TPRG1: variants seen among roughly 807,000 people sequenced by gnomAD.
TPRG1 encodes the protein tumor protein p63 regulated 1, also known as tumor protein p63-regulated gene 1 protein.
Under a neutral mutation model 29.3 loss-of-function variants are expected in TPRG1, and 29 were observed. The observed-to-expected ratio is 0.99, with a 90% CI of 0.74 to 1.35. The LOEUF (loss-of-function observed/expected upper bound fraction) is 1.35. TPRG1 is among the 40% of genes most tolerant of loss of function. The probability of loss-of-function intolerance (pLI) is 0.00; values close to 1 mark genes in which losing one functional copy is unlikely to be tolerated. For missense variants in TPRG1, 327 were observed against 335.0 expected, an observed-to-expected ratio of 0.98 and a Z score of 0.19; for synonymous variants, 130 against 116.8, an observed-to-expected ratio of 1.11 and a Z score of -0.73.
chr3:189,217,222 G>A (rs1736205684), intron 3 of TPRG1, among the ~76,000 whole-genome samples: 1 of 152,172 alleles, frequency 6.6e-6, no homozygotes, highest in South Asian at 2.1e-4. Flanking sequence ...CAACTACAAT[G>A]ATTGGTAACA....
At chr3:189,007,208 CA>C (rs1235352658) in intron 3 of TPRG1, among the ~76,000 whole-genome samples, 1 of 151,726 alleles carries the variant, frequency 6.6e-6, no homozygotes, top group Non-Finnish European at 1.5e-5. Context: ...AAGAAAAAAA[CA>C]AACAACCCCA....
chr3:189,065,541 C>T (rs1348206041), intron 4 of TPRG1, among the ~76,000 whole-genome samples: 1 of 151,320 alleles, frequency 6.6e-6, no homozygotes, highest in Non-Finnish European at 1.5e-5. Context: ...TGTAATATAC[C>T]ATGTCCAAAA....
intron 1 of TPRG1, among the ~76,000 whole-genome samples, chr3:189,116,933 A>G (rs1266289242): frequency 5.3e-5 from 8 of 152,334 alleles, no homozygotes; most frequent in Admixed American, 6.5e-5. Context: ...ATTTTATGTT[A>G]TGTATATTTT....
chr3:189,113,716 A>G (rs867457851), intron 1 of TPRG1, among the ~76,000 whole-genome samples: 2 of 151,826 alleles, frequency 1.3e-5, no homozygotes, highest in South Asian at 2.1e-4. Context: ...GGAATTGAAC[A>G]ATGAGAACAC....
At chr3:189,298,275 A>C (rs766407486) in intron 4 of TPRG1, among the ~76,000 whole-genome samples, 13 of 152,186 alleles carry the variant, frequency 8.5e-5, no homozygotes, top group Non-Finnish European at 1.6e-4. Context: ...GGGAGCCAAA[A>C]AAGCTAGCAG....
chr3:189,200,051 A>T (rs1175271130), intron 1 of TPRG1, among the ~76,000 whole-genome samples: 1 of 152,176 alleles, frequency 6.6e-6, no homozygotes, highest in Non-Finnish European at 1.5e-5. Flanking sequence ...ACGGCAAAAG[A>T]GTGAGCACCC....
At chr3:189,013,339 T>A (rs1712705200) in intron 3 of TPRG1, among the ~76,000 whole-genome samples, 4 of 152,208 alleles carry the variant, frequency 2.6e-5, no homozygotes, top group Admixed American at 2.6e-4. Context: ...TTAAGTAAAT[T>A]TCTTAATCTT....
At chr3:188,997,485 A>G (rs965140741) in intron 1 of TPRG1, among the ~76,000 whole-genome samples, 8 of 152,270 alleles carry the variant, frequency 5.3e-5, no homozygotes, top group Middle Eastern at 3.4e-3. Flanking sequence ...TTTCTTATGA[A>G]GTACAGTGTA....
intron 4 of TPRG1, among the ~76,000 whole-genome samples, chr3:189,276,515 C>T (rs1025191941): frequency 2.6e-5 from 4 of 152,106 alleles, no homozygotes; most frequent in Non-Finnish European, 5.9e-5. Context: ...AATTCTTGGG[C>T]TCTGATGTCA....
intron 4 of TPRG1, among the ~76,000 whole-genome samples, chr3:189,280,178 A>G (rs938821468): frequency 1.3e-5 from 2 of 152,126 alleles, no homozygotes; most frequent in Admixed American, 6.6e-5. Flanking sequence ...GACTAGCACC[A>G]TAGTGGTTAG....
intron 4 of TPRG1, among the ~76,000 whole-genome samples, chr3:189,148,158 C>T (rs1321433588): frequency 1.3e-5 from 2 of 152,176 alleles, no homozygotes; most frequent in African/African-American, 2.4e-5. Context: ...AACCTTTCTG[C>T]TCCCTCCTGA....
rs919748329 is a variant in TPRG1 at position 189,237,482 on chromosome 3, G to A, written c.303-1251G>A. Among the ~76,000 whole-genome samples, 5 of 152,162 alleles carry A rather than the reference G, an allele frequency of 3.3e-5. No homozygotes were observed. The East Asian group carries it at 7.7e-4, about 23-fold the overall frequency. On this transcript the variant is annotated intron_variant, in intron 3 of 5. Coordinates refer to ENST00000345063, the MANE Select transcript of TPRG1 (RefSeq NM_198485.4). ...CAAACTGTGATAAATGCTGCAAAGA[G>A]GAAAATATGTCTGCTTTGAGAAAAT...
intron 4 of TPRG1, among the ~76,000 whole-genome samples, chr3:189,051,434 A>G (rs1163381269): frequency 6.6e-6 from 1 of 152,198 alleles, no homozygotes; most frequent in Non-Finnish European, 1.5e-5. Context: ...CACTGCTGAA[A>G]GAAATCATAG....
At chr3:189,295,715 C>T (rs185763252) in intron 4 of TPRG1, among the ~76,000 whole-genome samples, 63 of 151,992 alleles carry the variant, frequency 4.1e-4, no homozygotes, top group African/African-American at 1.4e-3. Context: ...TTCTCAAGGG[C>T]GCGTGATGTT....
At chr3:189,102,556 T>C (rs560942621) in intron 1 of TPRG1, among the ~76,000 whole-genome samples, 30 of 152,338 alleles carry the variant, frequency 2.0e-4, no homozygotes, top group African/African-American at 6.5e-4. Flanking sequence ...CTCTATTGCC[T>C]AAATTCAGGC....
intron 1 of TPRG1, among the ~76,000 whole-genome samples, chr3:189,177,860 A>G (rs1223254384): frequency 6.6e-6 from 1 of 152,222 alleles, no homozygotes; most frequent in African/African-American, 2.4e-5. Context: ...TATTCTTGCT[A>G]CTTCCTCTTT....
At chr3:189,182,455 A>G (rs1465558712) in intron 1 of TPRG1, among the ~76,000 whole-genome samples, 1 of 152,214 alleles carries the variant, frequency 6.6e-6, no homozygotes, top group East Asian at 1.9e-4. Context: ...TTAGGATTAA[A>G]TTATAAAGCC....
chr3:189,043,674 C>T (rs1714779315), intron 4 of TPRG1, among the ~76,000 whole-genome samples: 1 of 152,124 alleles, frequency 6.6e-6, no homozygotes, highest in Non-Finnish European at 1.5e-5. Flanking sequence ...TCAATTTAGG[C>T]ACTGCGATGG....
intron 1 of TPRG1, among the ~76,000 whole-genome samples, chr3:189,181,974 G>T: frequency 6.6e-6 from 1 of 152,174 alleles, no homozygotes; most frequent in East Asian, 1.9e-4. Flanking sequence ...ATGGATGGCA[G>T]CAGACAAAGA....
Sources: gnomAD v4.1 joint callset for allele counts (sites outside exome capture counted in the v4.1 genomes callset) on GRCh38, gnomAD v4.1.1 for gene constraint, MANE v1.5 for transcripts, NCBI Gene and HGNC (gene_info 2026-07-23, HGNC 2026-07-21) for gene names.